The following DIAPH2 variants were observed in gnomAD, a reference collection of about 807,000 sequenced individuals.
DIAPH2 encodes the protein protein diaphanous homolog 2.
DIAPH2 carries 35 observed loss-of-function variants against 92.7 expected under a neutral mutation model. The observed-to-expected ratio is 0.38, with a 90% CI of 0.29 to 0.50. The LOEUF is 0.50. DIAPH2 is among the 20% of genes least tolerant of loss of function. DIAPH2 has a pLI of 0.94. For synonymous variants in DIAPH2, 301 were observed against 280.4 expected (o/e 1.07, Z -0.73); for missense variants, 701 against 819.5 (o/e 0.86, Z 1.77).
At chrX:96,814,922 C>G (rs2064718774) in intron 4 of DIAPH2, among the ~76,000 whole-genome samples, 1 of 111,169 alleles carries the variant, frequency 9.0e-6, no homozygotes, top group African/African-American at 3.3e-5. Flanking sequence ...GGAGGGTCAC[C>G]CGCCTGTATT....
chrX:96,816,357 A>G (rs2064734984), intron 4 of DIAPH2, among the ~76,000 whole-genome samples: 1 of 112,086 alleles, frequency 8.9e-6, no homozygotes, highest in Non-Finnish European at 1.9e-5. Flanking sequence ...AAGTGGGTAT[A>G]AGGATAAAAG....
chrX:96,788,018 T>G (rs1241718593), intron 4 of DIAPH2, among the ~76,000 whole-genome samples: 1 of 109,962 alleles, frequency 9.1e-6, no homozygotes, highest in Non-Finnish European at 1.9e-5. Context: ...CCCTAGAAAT[T>G]AGTTTTAAAG....
In DIAPH2 at chrX:97,018,859, A is replaced by G. The variant is rs780277731; in HGVS notation, c.2050+53652A>G. Among the ~76,000 whole-genome samples, 10 of 111,711 alleles carry G rather than the reference A, an allele frequency of 9.0e-5. No homozygotes were observed. In the South Asian group the frequency reaches 1.9e-3, roughly 21 times the overall value. ...CATGTATCTACCATTTTAGTATCTT[A>G]CAGATGGGTTTCACTGCCCTAAAAA... On this transcript the variant is annotated intron_variant, in intron 17 of 26. Transcript: ENST00000324765.
intron 22 of DIAPH2, among the ~76,000 whole-genome samples, chrX:97,228,089 C>T (rs749778642): frequency 1.8e-5 from 2 of 110,558 alleles, no homozygotes; most frequent in African/African-American, 6.6e-5. Context: ...TTCATAGAGC[C>T]GAGCTCTCAC....
At chrX:96,981,392 T>A (rs2873114) in intron 17 of DIAPH2, among the ~76,000 whole-genome samples, 47,615 of 110,246 alleles carry the variant, frequency 0.43, 7,605 homozygotes, top group South Asian at 0.56. Flanking sequence ...TTAATTTCTT[T>A]TTGTCTGTTT....
Position 97,561,597 on chromosome X carries a change from G to A in DIAPH2, c.3242-37656G>A, listed in dbSNP as rs1413886382. Among the ~76,000 whole-genome samples, 4 of 112,543 alleles carry A rather than the reference G, an allele frequency of 3.6e-5. No homozygotes were observed. The East Asian group carries it at 1.1e-3, about 31-fold the overall frequency. On this transcript the variant is annotated intron_variant, in intron 26 of 26. Transcript: ENST00000324765. The stretch of plus-strand genomic sequence containing the variant: ...TTTTACTTTACTAGGCATTAAACTT[G>A]TGCTGCTTAACCTTTGAGCATCAAA...
intron 23 of DIAPH2, among the ~76,000 whole-genome samples, chrX:97,319,134 GCAAA>G (rs1431903173): frequency 3.6e-5 from 4 of 111,755 alleles, no homozygotes; most frequent in African/African-American, 9.7e-5. Flanking sequence ...AAATTGATGA[GCAAA>G]CAGTTATGCA....
At chrX:97,397,565 G>A (rs186870262) in intron 25 of DIAPH2, among the ~76,000 whole-genome samples, 1 of 111,927 alleles carries the variant, frequency 8.9e-6, no homozygotes, top group Non-Finnish European at 1.9e-5. Flanking sequence ...TTTTACATCC[G>A]TGTGGTTCTG....
chrX:96,871,357 T>A (rs1326553606), intron 4 of DIAPH2, among the ~76,000 whole-genome samples: 1 of 106,462 alleles, frequency 9.4e-6, no homozygotes, highest in Admixed American at 1.0e-4. Context: ...GTAGTCCCAG[T>A]TACTCGGGAG....
chrX:96,839,847 ATACTT>A lies in DIAPH2; in HGVS notation c.448-41725_448-41721del, dbSNP rs1345422908. ...TCCTACAAAGATGCAAGAACTAGTTATACTTTACTTTTAACAGTGAAGTCTTGATA... is the reference window on the plus strand; with the variant it reads ...TCCTACAAAGATGCAAGAACTAGTTATACTTTTAACAGTGAAGTCTTGATA... On this transcript the variant is annotated intron_variant, in intron 4 of 26. Coordinates refer to ENST00000324765, the MANE Select transcript of DIAPH2 (RefSeq NM_006729.5). Among the ~76,000 whole-genome samples, 3 of 112,052 alleles carry A rather than the reference ATACTT, an allele frequency of 2.7e-5. No individual in the cohort carries two copies. The Admixed American group carries it at 2.8e-4, about 11-fold the overall frequency.
In DIAPH2 at chrX:96,785,475, C is replaced by CTTTTTTT. The variant is rs1157552270; in HGVS notation, c.447+27233_447+27239dup. Among the ~76,000 whole-genome samples the CTTTTTTT allele has an allele frequency of 1.7e-3, 98 of 57,177 alleles. 2 individuals are homozygous for CTTTTTTT. The highest frequency in any genetic ancestry group is 5.6e-3 in the East Asian group (7 of 1,256). 49.7% of individuals were successfully genotyped at this position (57,177 alleles called of 115,157 possible). ...AGAGACAAAAGGTGGCCAAACTTGC[C>CTTTTTTT]TTTTTTTTTTTTTTTTTTTTTTGGA... On this transcript the variant is annotated intron_variant, in intron 4 of 26. Transcript: ENST00000324765.
At chrX:97,451,719 A>G (rs563088045) in intron 26 of DIAPH2, among the ~76,000 whole-genome samples, 4 of 111,456 alleles carry the variant, frequency 3.6e-5, no homozygotes, top group African/African-American at 1.3e-4. Context: ...GACACTATCA[A>G]TATAGAATAA....
chrX:96,762,239 TATGAGTTTACTTCCTGC>T (rs2064273606), intron 4 of DIAPH2, among the ~76,000 whole-genome samples: 1 of 111,521 alleles, frequency 9.0e-6, no homozygotes, highest in African/African-American at 3.2e-5. Context: ...TGTTTAGGAC[TATGAGTTTACTTCCTGC>T]TTTCTTAAAC....
chrX:97,016,519 C>T (rs777322666), intron 17 of DIAPH2, among the ~76,000 whole-genome samples: 1 of 111,929 alleles, frequency 8.9e-6, no homozygotes, highest in Admixed American at 9.4e-5. Flanking sequence ...CTGTATAAAA[C>T]GTTGGTCATG....
intron 25 of DIAPH2, 65 bp from the exon 26 acceptor site, chrX:97,429,585 C>T (rs2070105673): frequency 8.6e-7 from 1 of 1,159,947 alleles, no homozygotes; most frequent in Admixed American, 2.6e-5. Flanking sequence ...GAGTTTTTCC[C>T]TTTATTTTCC....
intron 24 of DIAPH2, among the ~76,000 whole-genome samples, chrX:97,369,011 G>C (rs907047573): frequency 2.0e-5 from 2 of 97,712 alleles, no homozygotes; most frequent in African/African-American, 7.5e-5. Flanking sequence ...AGGTTCAAGC[G>C]ATACTCCTGC....
chrX:97,551,513 C>A (rs1252073800), intron 26 of DIAPH2, among the ~76,000 whole-genome samples: 1 of 108,599 alleles, frequency 9.2e-6, no homozygotes, highest in Non-Finnish European at 1.9e-5. Flanking sequence ...TTGCTTGAAC[C>A]CGGGAGGTGG....
chrX:97,243,777 A>T (rs773235217), intron 22 of DIAPH2, among the ~76,000 whole-genome samples: 1 of 111,460 alleles, frequency 9.0e-6, no homozygotes, highest in Non-Finnish European at 1.9e-5. Context: ...CTCTTTCTCT[A>T]CTTATATAAT....
At chrX:97,053,166 T>C (rs185388364) in intron 17 of DIAPH2, among the ~76,000 whole-genome samples, 1 of 111,144 alleles carries the variant, frequency 9.0e-6, no homozygotes, top group Non-Finnish European at 1.9e-5. Flanking sequence ...TTGGTTTCTA[T>C]TGCCCCATAC....
Sources: gnomAD v4.1 joint callset for allele counts (sites outside exome capture counted in the v4.1 genomes callset) on GRCh38, gnomAD v4.1.1 for gene constraint, MANE v1.5 for transcripts, NCBI Gene and HGNC (gene_info 2026-07-23, HGNC 2026-07-21) for gene names.